Variants in RASGRP1 observed in about 807,000 individuals in gnomAD.
RASGRP1 encodes the protein RAS guanyl releasing protein 1, also known as RAS guanyl-releasing protein 1.
A neutral mutation model predicts 95.1 loss-of-function variants in RASGRP1; 37 were observed. That is an observed-to-expected ratio of 0.39 (90% CI 0.30 to 0.51). RASGRP1 has a LOEUF of 0.51. Ranked by LOEUF, RASGRP1 falls within the 20% of genes least tolerant of loss-of-function variation. The pLI, the probability that RASGRP1 is intolerant of heterozygous loss-of-function variation, is 0.80. For synonymous variants in RASGRP1, 325 were observed against 353.4 expected (o/e 0.92, Z 0.90); for missense variants, 711 against 965.4 (o/e 0.74, Z 3.49).
In RASGRP1 at chr15:38,502,435, G is replaced by C; in HGVS notation, c.1429-14C>G. 6.6e-7 allele frequency: 1 copy of C among 1,511,774 alleles called. No homozygotes were observed. Among genetic ancestry groups the C allele is most frequent in the South Asian group, 1.1e-5 (1 of 87,368 alleles). 93.6% of individuals were successfully genotyped at this position (1,511,774 alleles called of 1,614,324 possible). A position where few individuals can be genotyped will look rare whatever the true frequency, so the allele number is the denominator to read the frequency against. On this transcript the variant is annotated splice_polypyrimidine_tract_variant and intron_variant, in intron 11 of 16. Transcript: ENST00000310803. ...CTTGAAGACAGACTGTGAAAAAGGA[G>C]TTTTTTTGGTGATTACTAAAGAGAA...
intron 3 of RASGRP1, among the ~76,000 whole-genome samples, chr15:38,526,026 A>T (rs1234091522): frequency 2.0e-5 from 3 of 152,090 alleles, no homozygotes; most frequent in African/African-American, 7.2e-5. Context: ...CAGAAAAAAT[A>T]TTTTTTACTA....
chr15:38,511,338 A>G (rs1211791896), intron 8 of RASGRP1, among the ~76,000 whole-genome samples: 1 of 152,208 alleles, frequency 6.6e-6, no homozygotes, highest in Non-Finnish European at 1.5e-5. Context: ...GCCTATGAAC[A>G]TGGGAAGAGG....
intron 3 of RASGRP1, among the ~76,000 whole-genome samples, chr15:38,519,722 A>G (rs1891926685): frequency 1.3e-5 from 2 of 152,200 alleles, no homozygotes. Context: ...CCTGTGCTCA[A>G]AAAGCAGCCC....
At chr15:38,510,711 A>G (rs553656278) in intron 8 of RASGRP1, among the ~76,000 whole-genome samples, 3 of 152,340 alleles carry the variant, frequency 2.0e-5, no homozygotes, top group African/African-American at 4.8e-5. Flanking sequence ...TGTAATTCCA[A>G]TACTTTAGGA....
intron 4 of RASGRP1, among the ~76,000 whole-genome samples, chr15:38,519,000 A>G (rs762492502): frequency 6.6e-6 from 1 of 152,224 alleles, no homozygotes; most frequent in Non-Finnish European, 1.5e-5. Flanking sequence ...TCTTTTCTAC[A>G]TTTTTAAAAA....
At chr15:38,542,873 G>GTATATATATACACATA (rs1424625877) in intron 2 of RASGRP1, among the ~76,000 whole-genome samples, 1 of 132,396 alleles carries the variant, frequency 7.6e-6, no homozygotes, top group Non-Finnish European at 1.6e-5. Context: ...ACATATATGT[G>GTATATATATACACATA]TATATATATA....
intron 15 of RASGRP1, among the ~76,000 whole-genome samples, chr15:38,496,416 AC>A (rs1890794681): frequency 1.3e-5 from 2 of 152,194 alleles, no homozygotes. Context: ...ATCTCTAACA[AC>A]TGCCCCTTCA....
At chr15:38,495,859 C>A (rs1284954740) in intron 15 of RASGRP1, among the ~76,000 whole-genome samples, 1 of 151,812 alleles carries the variant, frequency 6.6e-6, no homozygotes, top group Non-Finnish European at 1.5e-5. Flanking sequence ...GTTATACATT[C>A]TTTTTACCAA....
chr15:38,542,864 C>CACAT (rs535195683), intron 2 of RASGRP1, among the ~76,000 whole-genome samples: 144 of 125,688 alleles, frequency 1.1e-3, no homozygotes, highest in Non-Finnish European at 1.8e-3. Flanking sequence ...TATATATACA[C>CACAT]ATATATGTGT....
chr15:38,526,241 A>G (rs1255913345), intron 3 of RASGRP1, 58 bp downstream of exon 3: 1 of 1,347,706 alleles, frequency 7.4e-7, no homozygotes, highest in Admixed American at 1.7e-5. Flanking sequence ...TTCAAATTTC[A>G]AGCTACTTTT....
At chr15:38,494,996 T>G (rs530493419) in intron 15 of RASGRP1, among the ~76,000 whole-genome samples, 1 of 152,348 alleles carries the variant, frequency 6.6e-6, no homozygotes, top group African/African-American at 2.4e-5. Context: ...GAGCATCTTC[T>G]GTTTGCACAA....
At chr15:38,523,924 G>T (rs1185998690) in intron 3 of RASGRP1, 1 of 152,402 alleles carries the variant, frequency 6.6e-6, no homozygotes, top group African/African-American at 2.4e-5. Flanking sequence ...CAATGACAGA[G>T]TCGCCCAATG....
intron 3 of RASGRP1, chr15:38,524,532 G>A (rs1237203601): frequency 2.0e-5 from 3 of 152,240 alleles, no homozygotes; most frequent in Non-Finnish European, 4.4e-5. Context: ...TAATGCTTCT[G>A]GGGGTCAATG....
chr15:38,507,964 C>T lies in RASGRP1; in HGVS notation c.1004G>A (p.Arg335Lys). ...GGCTCGCCGGTAATTGTCGTAGTTT[C>T]TGGAGGAGGACAGCAGCTCAGTCAT... ...GEMTELLSSS[R>K]NYDNYRRAYG... Residue 335 changes from arginine (R) to lysine (K), a missense_variant, in exon 9 of 17, where the codon AGA becomes AAA. Around this residue, in one of 3 missense-constraint regions of RASGRP1, gnomAD observed 491 missense variants for 676.6 expected, o/e 0.73. Transcript: ENST00000310803. 6.2e-7 allele frequency: 1 copy of T among 1,609,654 alleles called. No individual in the cohort carries two copies. The highest frequency in any genetic ancestry group is 8.5e-7 in the Non-Finnish European group (1 of 1,178,346).
At chr15:38,505,566 C>A (rs915745854) in intron 10 of RASGRP1, among the ~76,000 whole-genome samples, 12 of 152,286 alleles carry the variant, frequency 7.9e-5, no homozygotes, top group African/African-American at 2.6e-4. Context: ...CCACACCTGG[C>A]ATTCTGATGA....
At position 38,542,989 on chromosome 15, in the gene RASGRP1, C is replaced by G. The variant is rs561704996; in HGVS notation, c.221-16585G>C. On this transcript the variant is annotated intron_variant, in intron 2 of 16. Coordinates refer to ENST00000310803, the MANE Select transcript of RASGRP1 (RefSeq NM_005739.4). ...TATATATTCCCCAAGTATTTTTCTT[C>G]CATTCATTTCTTTAATGGTATCTTT... Among the ~76,000 whole-genome samples the G allele has an allele frequency of 4.1e-5, 6 of 147,928 alleles. No individual in the cohort carries two copies. The East Asian group carries it at 1.2e-3, about 29-fold the overall frequency.
At chr15:38,563,255 T>C (rs1893885936) in intron 1 of RASGRP1, among the ~76,000 whole-genome samples, 1 of 152,158 alleles carries the variant, frequency 6.6e-6, no homozygotes, top group African/African-American at 2.4e-5. Context: ...ATCCATAGAA[T>C]GAATGGCCTC....
intron 2 of RASGRP1, among the ~76,000 whole-genome samples, chr15:38,530,834 A>G (rs1412500441): frequency 6.6e-6 from 1 of 152,234 alleles, no homozygotes; most frequent in Admixed American, 6.5e-5. Flanking sequence ...AACTTGGGGA[A>G]GAGATTAAAA....
chr15:38,531,709 G>A, intron 2 of RASGRP1, among the ~76,000 whole-genome samples: 1 of 152,156 alleles, frequency 6.6e-6, no homozygotes, highest in East Asian at 1.9e-4. Context: ...ACTCAGCCAA[G>A]GGAGGCAGAG....
Sources: allele counts gnomAD v4.1 joint callset (sites outside exome capture counted in the v4.1 genomes callset), GRCh38; gene constraint gnomAD v4.1.1; regional missense constraint gnomAD v4.1.1; transcripts MANE v1.5; gene names NCBI Gene and HGNC (gene_info 2026-07-23, HGNC 2026-07-21).